The following EPRS1 variants were observed in gnomAD, a reference collection of about 807,000 sequenced individuals.
EPRS1 encodes glutamyl-prolyl-tRNA synthetase 1.
A neutral mutation model predicts 188.3 loss-of-function variants in EPRS1; 107 were observed. That is an observed-to-expected ratio of 0.57 (90% CI 0.49 to 0.67). EPRS1 has a LOEUF of 0.67. EPRS1 is among the 30% of genes least tolerant of loss of function. The probability of loss-of-function intolerance (pLI) is 0.00; values close to 1 mark genes in which losing one functional copy is unlikely to be tolerated. For missense variants in EPRS1, 1,577 were observed against 1,802.2 expected (o/e 0.88, Z 2.26); for synonymous variants, 596 against 593.1 (o/e 1.00, Z -0.07).
At chr1:220,014,470 G>A (rs1661663140) in intron 12 of EPRS1, among the ~76,000 whole-genome samples, 1 of 152,136 alleles carries the variant, frequency 6.6e-6, no homozygotes, top group Non-Finnish European at 1.5e-5. Context: ...GAATAAGAGG[G>A]TATCTAGATT....
intron 11 of EPRS1, 82 bp from the exon 12 acceptor site, chr1:220,018,590 GA>G (rs35962858): frequency 0.014 from 8,395 of 614,328 alleles, 294 homozygotes; most frequent in African/African-American, 0.13. Flanking sequence ...AGCATGTTTA[GA>G]AAAAAAAAAA....
chr1:220,004,867 C>G (rs1222469711), intron 16 of EPRS1, among the ~76,000 whole-genome samples: 1 of 151,922 alleles, frequency 6.6e-6, no homozygotes, highest in Non-Finnish European at 1.5e-5. Flanking sequence ...GTTATTTCTT[C>G]CCTCTAAATG....
Position 219,988,722 on chromosome 1 carries a change from T to C in EPRS1, c.2643A>G (p.Gln881=). Residue 881 remains glutamine (Q), a synonymous_variant, in exon 19 of 32, where the codon CAA becomes CAG. Transcript: ENST00000366923. ...EYIPGQPPLS[Q]SSDSSPTRNS... The stretch of plus-strand genomic sequence containing the variant: ...TTCTGGTTGGGCTTGAATCCGAACT[T>C]TGAGATAATGGGGGCTGACCAGGTA... The C allele has an allele frequency of 6.2e-7, 1 of 1,613,914 alleles. No individual in the cohort carries two copies.
intron 6 of EPRS1, among the ~76,000 whole-genome samples, chr1:220,027,589 C>CAAAAAAAAA (rs374947643): frequency 1.3e-5 from 1 of 78,562 alleles, no homozygotes; most frequent in African/African-American, 5.1e-5. Flanking sequence ...GAGGCTATGT[C>CAAAAAAAAA]AAAAAAAAAA....
rs757302056 is a variant in EPRS1, at chr1:219,988,805, C to A, written c.2560G>T (p.Val854Leu). The change falls in exon 19 of 32, where the codon GTA becomes TTA. Residue 854 changes from valine (V) to leucine (L), a missense_variant. Coordinates refer to ENST00000366923, the MANE Select transcript of EPRS1 (RefSeq NM_004446.3). ...GCCTTCAGGGACAGTAAGCATTCTA[C>A]AGCTTCATTTATTTTAGCCTAAAAT... is the stretch of plus-strand genomic sequence containing the variant. ...KSPKAKINEA[V>L]ECLLSLKAQY... The A allele has an allele frequency of 2.5e-6, 4 of 1,596,340 alleles. No individual in the cohort carries two copies. The highest frequency in any genetic ancestry group is 2.3e-5 in the South Asian group (2 of 86,848).
At chr1:220,036,635 A>G (rs1406394408) in intron 2 of EPRS1, among the ~76,000 whole-genome samples, 1 of 152,184 alleles carries the variant, frequency 6.6e-6, no homozygotes, top group Non-Finnish European at 1.5e-5. Flanking sequence ...CTTAACGACG[A>G]GAACACATGA....
At chr1:220,036,534 C>G (rs10863525) in intron 2 of EPRS1, among the ~76,000 whole-genome samples, 26,333 of 151,704 alleles carry the variant, frequency 0.17, 3,896 homozygotes, top group East Asian at 0.4. Flanking sequence ...TCTTTTGCAG[C>G]AACATGGACG....
intron 12 of EPRS1, among the ~76,000 whole-genome samples, chr1:220,013,665 A>G (rs566080712): frequency 6.6e-6 from 1 of 152,344 alleles, no homozygotes; most frequent in East Asian, 1.9e-4. Flanking sequence ...GAGCTTGAGA[A>G]GAAAGACAGA....
At chr1:219,969,581 T>A (rs1269602617) in intron 30 of EPRS1, among the ~76,000 whole-genome samples, 1 of 151,816 alleles carries the variant, frequency 6.6e-6, no homozygotes, top group Non-Finnish European at 1.5e-5. Context: ...TTTCACTTTA[T>A]GCCACAATGT....
At chr1:220,044,071 A>T (rs947080341) in intron 1 of EPRS1, among the ~76,000 whole-genome samples, 1 of 152,180 alleles carries the variant, frequency 6.6e-6, no homozygotes, top group African/African-American at 2.4e-5. Flanking sequence ...CTGAAGCCTC[A>T]TATCTACAGT....
At position 220,007,256 on chromosome 1, in the gene EPRS1, C is replaced by A. The variant is rs748644088; in HGVS notation, c.1688G>T (p.Gly563Val). ...CCAATTTATAAATGTAACCATCTCACCCTCCGAAAAAGTCTCTGCATCAGC... is the reference window on the plus strand; with the variant it reads ...CCAATTTATAAATGTAACCATCTCAACCTCCGAAAAAGTCTCTGCATCAGC... ...EGADAETFSE[G>V]EMVTFINWGN... Residue 563 changes from glycine to valine, a missense_variant, in exon 14 of 32, where the codon GGT (glycine) becomes GTT (valine). Transcript: ENST00000366923. The A allele has an allele frequency of 1.2e-6, 2 of 1,613,892 alleles. No homozygotes were observed. Among genetic ancestry groups the A allele is most frequent in the South Asian group, 2.2e-5 (2 of 91,078 alleles).
At chr1:219,978,966 T>TA (rs1558271031) in intron 27 of EPRS1, among the ~76,000 whole-genome samples, 11 of 47,582 alleles carry the variant, frequency 2.3e-4, no homozygotes, top group East Asian at 1.3e-3. Context: ...ATATATATAT[T>TA]TTTTTTTCCC....
At chr1:220,012,292 T>C (rs973979186) in intron 12 of EPRS1, among the ~76,000 whole-genome samples, 1 of 152,214 alleles carries the variant, frequency 6.6e-6, no homozygotes, top group South Asian at 2.1e-4. Context: ...TGGGCTGGAA[T>C]AATCAAAGAT....
chr1:220,031,254 G>C (rs1662078404), intron 5 of EPRS1, among the ~76,000 whole-genome samples: 1 of 152,182 alleles, frequency 6.6e-6, no homozygotes, highest in South Asian at 2.1e-4. Flanking sequence ...CAAAAACACA[G>C]AGGACCTTTT....
In EPRS1 at chr1:220,022,398, G is replaced by T. The variant is rs773502348; in HGVS notation, c.1064C>A (p.Thr355Asn). 1 of 1,614,054 alleles carries T rather than the reference G, an allele frequency of 6.2e-7. No homozygotes were observed. The highest frequency in any genetic ancestry group is 1.3e-5 in the African/African-American group (1 of 75,020). Residue 355 changes from threonine to asparagine, a missense_variant, in exon 9 of 32, where the codon ACC becomes AAC. Coordinates refer to ENST00000366923, the MANE Select transcript of EPRS1 (RefSeq NM_004446.3). ...TGGTTGAATTTTGCAGCGATAAAGG[G>T]TTGGATCTCTCATGCATCCATTGTT... The part of the protein sequence containing the change: ...SSNNGCMRDP[T>N]LYRCKIQPHP...
At chr1:220,017,660 T>G (rs548850075) in intron 12 of EPRS1, among the ~76,000 whole-genome samples, 1 of 152,196 alleles carries the variant, frequency 6.6e-6, no homozygotes, top group South Asian at 2.1e-4. Flanking sequence ...CAGAACACAA[T>G]CACAGAAACC....
At chr1:220,000,343 G>T (rs899886613) in intron 17 of EPRS1, among the ~76,000 whole-genome samples, 1 of 152,156 alleles carries the variant, frequency 6.6e-6, no homozygotes, top group African/African-American at 2.4e-5. Context: ...AGACCCCAAG[G>T]GGTATATAAA....
intron 1 of EPRS1, among the ~76,000 whole-genome samples, chr1:220,043,778 G>A (rs1209333944): frequency 5.3e-5 from 8 of 152,188 alleles, no homozygotes; most frequent in African/African-American, 1.9e-4. Context: ...GTTATCTTCA[G>A]AAAGGTCAAA....
intron 6 of EPRS1, 22 bp downstream of exon 6, chr1:220,030,362 TAA>T: frequency 6.8e-7 from 1 of 1,475,316 alleles, no homozygotes; most frequent in Non-Finnish European, 9.5e-7. Flanking sequence ...TATTCAATTA[TAA>T]ATGTGAGTTA....
Sources: allele counts gnomAD v4.1 joint callset (sites outside exome capture counted in the v4.1 genomes callset), GRCh38; gene constraint gnomAD v4.1.1; transcripts MANE v1.5; gene names NCBI Gene and HGNC (gene_info 2026-07-23, HGNC 2026-07-21).